CCDC7: variants seen among roughly 807,000 people sequenced by gnomAD.
The protein encoded by CCDC7 is coiled-coil domain-containing protein 7.
Under a neutral mutation model 196.9 loss-of-function variants are expected in CCDC7, and 183 were observed. The ratio of observed to expected loss-of-function variants is 0.93; its 90% CI spans 0.82 to 1.05. The LOEUF (loss-of-function observed/expected upper bound fraction) is 1.05. Ranked by LOEUF, CCDC7 falls within the 50% of genes least tolerant of loss-of-function variation. The pLI, the probability that CCDC7 is intolerant of heterozygous loss-of-function variation, is 0.00. For missense variants in CCDC7, 1,540 were observed against 1,482.2 expected (o/e 1.04, Z -0.64); for synonymous variants, 525 against 484.6 (o/e 1.08, Z -1.10).
chr10:32,519,318 G>A (rs1306753788), intron 11 of CCDC7, among the ~76,000 whole-genome samples: 1 of 152,134 alleles, frequency 6.6e-6, no homozygotes, highest in Admixed American at 6.5e-5. Flanking sequence ...GAATTTTGCA[G>A]CATCCTAATC....
chr10:32,590,513 T>A (rs892875930), intron 18 of CCDC7, among the ~76,000 whole-genome samples: 8 of 152,136 alleles, frequency 5.3e-5, no homozygotes, highest in South Asian at 4.1e-4. Flanking sequence ...CTTAAGAGTA[T>A]TTTACACATC....
At chr10:32,486,272 G>T (rs1242453050) in intron 8 of CCDC7, among the ~76,000 whole-genome samples, 2 of 151,754 alleles carry the variant, frequency 1.3e-5, no homozygotes, top group African/African-American at 2.4e-5. Context: ...TGTCTCTTTT[G>T]ATCTTTGTTG....
intron 20 of CCDC7, among the ~76,000 whole-genome samples, chr10:32,641,205 C>G (rs1454704348): frequency 2.0e-5 from 3 of 152,162 alleles, no homozygotes; most frequent in African/African-American, 7.2e-5. Flanking sequence ...GCCTGCCTTG[C>G]TAGATTGGGG....
Position 32,757,635 on chromosome 10 carries a change from C to T in CCDC7, c.2906-21342C>T, listed in dbSNP as rs534379880. Among the ~76,000 whole-genome samples the T allele has an allele frequency of 8.5e-5, 13 of 152,166 alleles. No homozygotes were observed. The South Asian group carries it at 2.3e-3, about 27-fold the overall frequency. ...GAGGGAAACTTATAGCACTAAATGC[C>T]CACAAGAGAAAGGAGGAAAGATCTA... On this transcript the variant is annotated intron_variant, in intron 28 of 41. Coordinates refer to ENST00000639629, the Ensembl canonical transcript of CCDC7.
At chr10:32,709,458 T>C (rs2080432297) in intron 24 of CCDC7, among the ~76,000 whole-genome samples, 1 of 151,980 alleles carries the variant, frequency 6.6e-6, no homozygotes, top group Non-Finnish European at 1.5e-5. Flanking sequence ...ACCCTAGAAC[T>C]TAAAGTATAA....
At chr10:32,559,236 G>T (rs1463307156) in intron 13 of CCDC7, among the ~76,000 whole-genome samples, 1 of 152,208 alleles carries the variant, frequency 6.6e-6, no homozygotes, top group Admixed American at 6.5e-5. Flanking sequence ...CTCCACCTCT[G>T]GGGGCAGGGC....
At chr10:32,475,991 C>T (rs2038900235) in intron 8 of CCDC7, among the ~76,000 whole-genome samples, 1 of 152,120 alleles carries the variant, frequency 6.6e-6, no homozygotes, top group Admixed American at 6.6e-5. Flanking sequence ...CATAAAGCTT[C>T]CCCTGTTATT....
At chr10:32,810,120 GAGAA>G (rs2086765861) in intron 30 of CCDC7, among the ~76,000 whole-genome samples, 3 of 151,954 alleles carry the variant, frequency 2.0e-5, no homozygotes. Flanking sequence ...AACAACACAA[GAGAA>G]AGAAAGAAAC....
intron 20 of CCDC7, among the ~76,000 whole-genome samples, chr10:32,647,624 A>C (rs1449551557): frequency 8.2e-6 from 1 of 122,022 alleles, no homozygotes; most frequent in Non-Finnish European, 1.7e-5. Flanking sequence ...TGTTGGCAGC[A>C]TATGTCTTTT....
chr10:32,445,630 T>C (rs1260151444), upstream of CCDC7, among the ~76,000 whole-genome samples: 1 of 152,244 alleles, frequency 6.6e-6, no homozygotes, highest in Non-Finnish European at 1.5e-5. Context: ...AATTGCATCT[T>C]AAAGCAGTGC....
intron 20 of CCDC7, among the ~76,000 whole-genome samples, chr10:32,642,357 C>T (rs2066977894): frequency 6.6e-6 from 1 of 152,186 alleles, no homozygotes; most frequent in South Asian, 2.1e-4. Context: ...TGGCGGGCGC[C>T]CCTCCCCCAG....
At chr10:32,874,783 C>T (rs866552542) in intron 41 of CCDC7, among the ~76,000 whole-genome samples, 1 of 143,322 alleles carries the variant, frequency 7.0e-6, no homozygotes. Context: ...CACACACACA[C>T]ATATATACAC....
At chr10:32,602,527 T>C (rs1197385438) in intron 18 of CCDC7, among the ~76,000 whole-genome samples, 1 of 152,226 alleles carries the variant, frequency 6.6e-6, no homozygotes, top group East Asian at 1.9e-4. Flanking sequence ...CTGACATCAC[T>C]ATGCCTATTA....
chr10:32,632,138 TTGGG>T (rs746787088), intron 18 of CCDC7, among the ~76,000 whole-genome samples: 3 of 16,510 alleles, frequency 1.8e-4, no homozygotes, highest in Admixed American at 5.7e-4. Context: ...TTTCTTTTTT[TTGGG>T]GGGGGGGGGG....
intron 11 of CCDC7, 24 bp from the exon 13 acceptor site, chr10:32,543,276 T>C: frequency 7.2e-7 from 1 of 1,379,836 alleles, no homozygotes. Flanking sequence ...ACCCTTTATT[T>C]CTGGCTTATG....
intron 3 of CCDC7, among the ~76,000 whole-genome samples, chr10:32,460,740 A>AT (rs1211856730): frequency 6.6e-6 from 1 of 152,144 alleles, no homozygotes; most frequent in African/African-American, 2.4e-5. Context: ...ATGCTTTCTT[A>AT]TTTAGCTTAG....
chr10:32,557,410 T>C (rs1301172292), intron 13 of CCDC7, among the ~76,000 whole-genome samples: 1 of 152,240 alleles, frequency 6.6e-6, no homozygotes, highest in East Asian at 1.9e-4. Context: ...ACATTTTCAA[T>C]GTATTATTAT....
chr10:32,662,588 ATTG>A (rs2071722473), intron 20 of CCDC7, among the ~76,000 whole-genome samples: 1 of 152,144 alleles, frequency 6.6e-6, no homozygotes, highest in Non-Finnish European at 1.5e-5. Context: ...TTGAGACCTT[ATTG>A]TTGAGCAACT....
intron 16 of CCDC7, among the ~76,000 whole-genome samples, chr10:32,578,716 C>G (rs1434652806): frequency 6.6e-6 from 1 of 152,110 alleles, no homozygotes; most frequent in Admixed American, 6.6e-5. Flanking sequence ...ACTCGCCACT[C>G]ACCTCCTGTT....
Sources: gnomAD v4.1 joint callset for allele counts (sites outside exome capture counted in the v4.1 genomes callset) on GRCh38, gnomAD v4.1.1 for gene constraint, MANE v1.5 for transcripts, NCBI Gene and HGNC (gene_info 2026-07-23, HGNC 2026-07-21) for gene names.